The following PIK3CG variants were observed in gnomAD, a reference collection of about 807,000 sequenced individuals.
The protein encoded by PIK3CG is phosphatidylinositol 4,5-bisphosphate 3-kinase catalytic subunit gamma isoform.
PIK3CG carries 55 observed loss-of-function variants against 102.3 expected under a neutral mutation model. That is an observed-to-expected ratio of 0.54 (90% CI 0.43 to 0.67). The LOEUF is 0.67. Ranked by LOEUF, PIK3CG falls within the 30% of genes least tolerant of loss-of-function variation. The pLI is 0.00. For missense variants in PIK3CG, 1,258 were observed against 1,391.8 expected, an observed-to-expected ratio of 0.90 and a Z score of 1.53; for synonymous variants, 552 against 540.0, an observed-to-expected ratio of 1.02 and a Z score of -0.31.
Position 106,890,327 on chromosome 7 carries a change from G to A in PIK3CG, c.3030+4035G>A, listed in dbSNP as rs905689991. Among the ~76,000 whole-genome samples, 47 of 152,038 alleles carry A rather than the reference G, an allele frequency of 3.1e-4. 1 individual carries two copies. The highest frequency in any genetic ancestry group is 7.0e-4 in the African/African-American group (29 of 41,390). On this transcript the variant is annotated intron_variant, in intron 10 of 10. Coordinates refer to ENST00000496166, the MANE Select transcript of PIK3CG (RefSeq NM_001282426.2). The surrounding 1 kb of genome is among the most constrained non-coding windows in gnomAD (Gnocchi z 4.2). The stretch of plus-strand genomic sequence containing the variant: ...CTTCCAAGTAGCTGGGACTACAGGC[G>A]CCTGCCACCACATCCAGCTAATTTT...
Position 106,879,163 on chromosome 7 carries a change from G to A in PIK3CG, c.2392-356G>A, listed in dbSNP as rs1790857935. On this transcript the variant is annotated intron_variant, in intron 5 of 10. Coordinates refer to ENST00000496166, the MANE Select transcript of PIK3CG (RefSeq NM_001282426.2). This position sits in a 1 kb window ranked among gnomAD's most constrained non-coding sequence, Gnocchi z 4.9. ...TTTTTCAAATTAAATCTCAGAAGGC[G>A]GACAAATATAATAGCCAGGTTGCTG... 6.6e-6 allele frequency among the ~76,000 whole-genome samples: 1 copy of A among 152,070 alleles called. No individual in the cohort carries two copies. Among genetic ancestry groups the A allele is most frequent in the African/African-American group, 2.4e-5 (1 of 41,394 alleles).
At chr7:106,886,095 T>G in intron 9 of PIK3CG, 40 bp from the exon 10 acceptor site, 8 of 1,570,158 alleles carry the variant, frequency 5.1e-6, no homozygotes, top group Non-Finnish European at 7.0e-6. Context: ...AACAAAGTGC[T>G]GTGCCACTGT....
chr7:106,898,518 C>A (rs1050621774), intron 10 of PIK3CG, among the ~76,000 whole-genome samples: 1 of 152,102 alleles, frequency 6.6e-6, no homozygotes, highest in African/African-American at 2.4e-5. Flanking sequence ...TTGGGTTTTA[C>A]ATGTAAGTCT....
At chr7:106,887,085 G>A (rs898386491) in intron 10 of PIK3CG, among the ~76,000 whole-genome samples, 2 of 152,186 alleles carry the variant, frequency 1.3e-5, no homozygotes, top group Non-Finnish European at 2.9e-5. Flanking sequence ...CTACATTCGG[G>A]TTGGATGAGC....
intron 5 of PIK3CG, among the ~76,000 whole-genome samples, chr7:106,875,682 A>C (rs1320017192): frequency 6.6e-6 from 1 of 152,128 alleles, no homozygotes; most frequent in East Asian, 1.9e-4. Context: ...GTTTCTTTTT[A>C]TGACTTAGTA....
At position 106,868,478 on chromosome 7, in the gene PIK3CG, T is replaced by A. The variant is rs144045366; in HGVS notation, c.917T>A (p.Val306Glu). 93 of 1,614,018 alleles carry A rather than the reference T, an allele frequency of 5.8e-5. No individual in the cohort carries two copies. Among genetic ancestry groups the A allele is most frequent in the Non-Finnish European group, 7.5e-5 (88 of 1,180,042 alleles). Residue 306 changes from valine (V) to glutamate (E), a missense_variant, in exon 2 of 11, where the codon GTA becomes GAA. This residue lies in a region of PIK3CG where 832 missense variants were observed against 787.5 expected (regional missense o/e 1.06). Coordinates refer to ENST00000496166, the MANE Select transcript of PIK3CG (RefSeq NM_001282426.2). The surrounding 1 kb of genome is among the most constrained non-coding windows in gnomAD (Gnocchi z 6.2). ...CLKNGEEIHV[V>E]LDTPPDPALD... is the part of the protein sequence containing the mutation. Reference sequence around the variant, plus strand: ...AAGAACGGAGAAGAGATTCACGTGGTACTGGACACGCCTCCAGACCCGGCC... The same window carrying A: ...AAGAACGGAGAAGAGATTCACGTGGAACTGGACACGCCTCCAGACCCGGCC...
rs1308195094 is a variant in PIK3CG, at chr7:106,906,741, T to C, written c.*1354T>C. 2 of 227,342 alleles carry C rather than the reference T, an allele frequency of 8.8e-6. No individual in the cohort carries two copies. Among genetic ancestry groups the C allele is most frequent in the Non-Finnish European group, 1.7e-5 (2 of 114,596 alleles). The allele number at this position is 227,342 out of a possible 1,614,324, so 14.1% of individuals were successfully genotyped here. A position where few individuals can be genotyped will look rare whatever the true frequency, so the allele number is the denominator to read the frequency against. ...AAAAAAACTATGTTAACAGTGTCTC[T>C]GTTTAAGTATAATCAGATATAAATA... is the stretch of plus-strand genomic sequence containing the variant. On this transcript the variant is annotated 3_prime_UTR_variant, in exon 11 of 11. Coordinates refer to ENST00000496166, the MANE Select transcript of PIK3CG (RefSeq NM_001282426.2).
rs1401448294 is a variant in PIK3CG, at chr7:106,884,130, T to A, written c.2761-25T>A. 1 of 1,483,818 alleles carries A rather than the reference T, an allele frequency of 6.7e-7. No individual in the cohort carries two copies. Among genetic ancestry groups the A allele is most frequent in the Non-Finnish European group, 9.4e-7 (1 of 1,062,956 alleles). The allele number at this position is 1,483,818 out of a possible 1,614,324, so 91.9% of individuals were successfully genotyped here. Reference sequence around the variant, plus strand: ...ATGCTTTTTGTAGTTAGAAGACAACTAATATTCAAATGCATTTTAATTAGT... The same window carrying A: ...ATGCTTTTTGTAGTTAGAAGACAACAAATATTCAAATGCATTTTAATTAGT... On this transcript the variant is annotated intron_variant, in intron 8 of 10. Coordinates refer to ENST00000496166, the MANE Select transcript of PIK3CG (RefSeq NM_001282426.2). The surrounding 1 kb of genome is among the most constrained non-coding windows in gnomAD (Gnocchi z 4.2).
At chr7:106,888,384 C>A (rs1372237644) in intron 10 of PIK3CG, among the ~76,000 whole-genome samples, 2 of 152,268 alleles carry the variant, frequency 1.3e-5, no homozygotes, top group East Asian at 3.9e-4. Context: ...CAGTACTTCT[C>A]TTTTTTTGCT....
At chr7:106,881,576 G>T (rs1242494511) in intron 6 of PIK3CG, among the ~76,000 whole-genome samples, 1 of 152,190 alleles carries the variant, frequency 6.6e-6, no homozygotes, top group Non-Finnish European at 1.5e-5. Context: ...GCCAAGCATG[G>T]TGGCTCACGC....
Position 106,883,393 on chromosome 7 carries a change from T to G in PIK3CG, c.2760+230T>G, listed in dbSNP as rs1790999657. 6.6e-6 allele frequency among the ~76,000 whole-genome samples: 1 copy of G among 152,220 alleles called. No individual in the cohort carries two copies. Among genetic ancestry groups the G allele is most frequent in the Admixed American group, 6.5e-5 (1 of 15,282 alleles). On this transcript the variant is annotated intron_variant, in intron 8 of 10. Coordinates refer to ENST00000496166, the MANE Select transcript of PIK3CG (RefSeq NM_001282426.2). This position sits in a 1 kb window ranked among gnomAD's most constrained non-coding sequence, Gnocchi z 5.8. ...ACTCCATGAGCATTTGCTTCTCTTT[T>G]GATTATCAGGCATACTTTGCTTAAA...
Position 106,890,684 on chromosome 7 carries a change from C to T in PIK3CG, c.3030+4392C>T, listed in dbSNP as rs912044131. ...ACTGAACTTAAGAAATAGATATGTT[C>T]GTCTCTTCAAATTGAGTAAGGCTGA... On this transcript the variant is annotated intron_variant, in intron 10 of 10. Transcript: ENST00000496166. This position sits in a 1 kb window ranked among gnomAD's most constrained non-coding sequence, Gnocchi z 4.2. Among the ~76,000 whole-genome samples, 18 of 152,206 alleles carry T rather than the reference C, an allele frequency of 1.2e-4. No individual in the cohort carries two copies. Among genetic ancestry groups the T allele is most frequent in the South Asian group, 4.1e-4 (2 of 4,834 alleles).
At chr7:106,866,692 T>C in intron 1 of PIK3CG, among the ~76,000 whole-genome samples, 1 of 150,928 alleles carries the variant, frequency 6.6e-6, no homozygotes, top group South Asian at 2.1e-4. Flanking sequence ...TGGGTGACTC[T>C]TCTAAGATAC....
chr7:106,870,009 G>T (rs553745645), intron 2 of PIK3CG, among the ~76,000 whole-genome samples: 1 of 152,108 alleles, frequency 6.6e-6, no homozygotes, highest in Admixed American at 6.5e-5. Context: ...TGTGCCCAAG[G>T]TCACATACTT....
At position 106,868,560 on chromosome 7, in the gene PIK3CG, C is replaced by T. The variant is rs145674244; in HGVS notation, c.999C>T (p.Thr333=). Residue 333 remains threonine (T), a synonymous_variant, in exon 2 of 11, where the codon ACC becomes ACT. Coordinates refer to ENST00000496166, the MANE Select transcript of PIK3CG (RefSeq NM_001282426.2). This position sits in a 1 kb window ranked among gnomAD's most constrained non-coding sequence, Gnocchi z 6.2. ...WPLVDDCTGV[T]GYHEQLTIHG... is the part of the protein sequence containing the mutation. ...TGGTGGATGACTGCACGGGAGTCAC[C>T]GGCTACCATGAGCAGCTTACCATCC... 1.9e-5 allele frequency: 31 copies of T among 1,614,002 alleles called. No homozygotes were observed. Among genetic ancestry groups the T allele is most frequent in the Middle Eastern group, 1.6e-4 (1 of 6,084 alleles).
intron 9 of PIK3CG, among the ~76,000 whole-genome samples, chr7:106,885,425 T>G (rs536308477): frequency 2.6e-5 from 4 of 152,164 alleles, no homozygotes; most frequent in Admixed American, 6.5e-5. Flanking sequence ...TAGTCAGTAG[T>G]GGCCACCAAA....
At position 106,893,586 on chromosome 7, in the gene PIK3CG, T is replaced by C. The variant is rs148294524; in HGVS notation, c.3030+7294T>C. Among the ~76,000 whole-genome samples the C allele has an allele frequency of 1.7e-3, 263 of 152,382 alleles. 3 individuals carry two copies. Among genetic ancestry groups the C allele is most frequent in the African/African-American group, 5.8e-3 (243 of 41,594 alleles). Reference sequence around the variant, plus strand: ...AAAACATACTCTCTCTATTAAGATCTTCTTGTGAAAATTCTACTGGTCTCA... The same window carrying C: ...AAAACATACTCTCTCTATTAAGATCCTCTTGTGAAAATTCTACTGGTCTCA... On this transcript the variant is annotated intron_variant, in intron 10 of 10. Transcript: ENST00000496166. The surrounding 1 kb of genome is among the most constrained non-coding windows in gnomAD (Gnocchi z 4.4).
At chr7:106,865,468 T>C (rs957645224) in intron 1 of PIK3CG, 42 bp downstream of exon 1, 3 of 152,264 alleles carry the variant, frequency 2.0e-5, no homozygotes, top group African/African-American at 7.2e-5. Context: ...GGGGTCTGAC[T>C]CGGAATAGTG....
chr7:106,874,589 C>G lies in PIK3CG; in HGVS notation c.2288-111C>G. The G allele has an allele frequency of 1.3e-6, 1 of 776,526 alleles. No homozygotes were observed. 48.1% of individuals were successfully genotyped at this position (776,526 alleles called of 1,614,324 possible). On this transcript the variant is annotated intron_variant, in intron 4 of 10. Coordinates refer to ENST00000496166, the MANE Select transcript of PIK3CG (RefSeq NM_001282426.2). The surrounding 1 kb of genome is among the most constrained non-coding windows in gnomAD (Gnocchi z 4.3). The stretch of plus-strand genomic sequence containing the variant: ...CACCCACATTTCTCCTGCTCTACAC[C>G]AGAACAAATATATAGAATGCTATGA...
Sources: allele counts gnomAD v4.1 joint callset (sites outside exome capture counted in the v4.1 genomes callset), GRCh38; gene constraint gnomAD v4.1.1; regional missense constraint gnomAD v4.1.1; non-coding constraint Gnocchi (gnomAD v3.1); transcripts MANE v1.5; gene names NCBI Gene and HGNC (gene_info 2026-07-23, HGNC 2026-07-21).